RANBP2: variants seen among roughly 807,000 people sequenced by gnomAD.
RANBP2 encodes the protein E3 SUMO-protein ligase RanBP2.
A neutral mutation model predicts 303.6 loss-of-function variants in RANBP2; 57 were observed. That is an observed-to-expected ratio of 0.19 (90% CI 0.15 to 0.23). The LOEUF is 0.23. RANBP2 is among the 10% of genes least tolerant of loss of function. The probability of loss-of-function intolerance (pLI) is 1.00; values close to 1 mark genes in which losing one functional copy is unlikely to be tolerated. For synonymous variants in RANBP2, 1,167 were observed against 1,301.5 expected (o/e 0.90, Z 2.23); for missense variants, 3,138 against 3,780.8 (o/e 0.83, Z 4.46).
chr2:109,467,423 A>AC, the RANBP2 span, among the ~76,000 whole-genome samples: 2 of 152,204 alleles, frequency 1.3e-5, no homozygotes, highest in African/African-American at 4.8e-5. Context: ...ACTTTGGAAA[A>AC]TGCACACCCA....
At chr2:109,019,057 A>G in the RANBP2 span, among the ~76,000 whole-genome samples, 188 of 152,338 alleles carry the variant, frequency 1.2e-3, no homozygotes, top group African/African-American at 4.4e-3. Flanking sequence ...CAGATCAGTC[A>G]CTAGTTATGG....
chr2:109,437,190 G>A, the RANBP2 span: 5 of 1,561,682 alleles, frequency 3.2e-6, no homozygotes, highest in African/African-American at 1.4e-5. Context: ...CAACAAGGGG[G>A]CTTCCTGGGA....
At chr2:109,662,227 C>T in the RANBP2 span, among the ~76,000 whole-genome samples, 1 of 152,180 alleles carries the variant, frequency 6.6e-6, no homozygotes, top group Non-Finnish European at 1.5e-5. Flanking sequence ...TCACCAAGGT[C>T]AGACCTGCAT....
chr2:109,713,090 T>C, the RANBP2 span, among the ~76,000 whole-genome samples: 2 of 152,146 alleles, frequency 1.3e-5, no homozygotes, highest in Non-Finnish European at 1.5e-5. Flanking sequence ...TTCCTCCACC[T>C]GGGTCTCTTG....
chr2:108,770,039 G>A (rs533375501), intron 20 of RANBP2, among the ~76,000 whole-genome samples: 1 of 152,308 alleles, frequency 6.6e-6, no homozygotes, highest in East Asian at 1.9e-4. Flanking sequence ...TTTGAGAAAT[G>A]TGAAAAGTGT....
At chr2:108,935,913 G>A in the RANBP2 span, among the ~76,000 whole-genome samples, 1 of 152,144 alleles carries the variant, frequency 6.6e-6, no homozygotes, top group Non-Finnish European at 1.5e-5. Flanking sequence ...TGAGCTGCTC[G>A]CCTCTTGGAA....
At chr2:109,524,292 C>G in the RANBP2 span, among the ~76,000 whole-genome samples, 1 of 152,086 alleles carries the variant, frequency 6.6e-6, no homozygotes, top group Non-Finnish European at 1.5e-5. Context: ...AAGGACGGCT[C>G]AGTGGTCACA....
the RANBP2 span, among the ~76,000 whole-genome samples, chr2:109,714,912 G>C: frequency 1.6e-5 from 2 of 124,108 alleles, no homozygotes; most frequent in African/African-American, 6.2e-5. Context: ...GCCCGGGCTT[G>C]TGCTATTTTT....
chr2:109,563,948 C>A, the RANBP2 span, among the ~76,000 whole-genome samples: 2 of 152,282 alleles, frequency 1.3e-5, no homozygotes, highest in South Asian at 4.1e-4. Flanking sequence ...TAGTAAGACC[C>A]TGTCTCTACA....
At chr2:109,372,701 C>G in the RANBP2 span, among the ~76,000 whole-genome samples, 2 of 152,216 alleles carry the variant, frequency 1.3e-5, no homozygotes, top group Non-Finnish European at 2.9e-5. Flanking sequence ...GCCCTTCACT[C>G]TCCTGCTCTC....
the RANBP2 span, chr2:109,615,279 C>G: frequency 6.3e-7 from 1 of 1,586,938 alleles, no homozygotes; most frequent in Non-Finnish European, 8.6e-7. Context: ...CTCCGTGACG[C>G]TGGACCCCCT....
At chr2:109,197,614 A>G in the RANBP2 span, among the ~76,000 whole-genome samples, 1 of 152,186 alleles carries the variant, frequency 6.6e-6, no homozygotes, top group African/African-American at 2.4e-5. Flanking sequence ...AATGCTCTGC[A>G]GTTGCTGTTT....
chr2:109,414,541 G>A, the RANBP2 span, among the ~76,000 whole-genome samples: 1 of 152,150 alleles, frequency 6.6e-6, no homozygotes, highest in Non-Finnish European at 1.5e-5. Flanking sequence ...TCTTGGCTAC[G>A]GTCACAAACA....
At chr2:109,447,165 AAAAG>A in the RANBP2 span, among the ~76,000 whole-genome samples, 3 of 148,744 alleles carry the variant, frequency 2.0e-5, no homozygotes, top group South Asian at 4.2e-4. Flanking sequence ...AAAAAAAAAA[AAAAG>A]AAAAGAAAAA....
At chr2:109,730,586 C>A in the RANBP2 span, among the ~76,000 whole-genome samples, 3 of 152,128 alleles carry the variant, frequency 2.0e-5, no homozygotes, top group Non-Finnish European at 4.4e-5. Flanking sequence ...CCTGCTATAA[C>A]AAAGTACCAT....
the RANBP2 span, among the ~76,000 whole-genome samples, chr2:109,272,016 A>G: frequency 0.02 from 3,047 of 152,230 alleles, 90 homozygotes; most frequent in African/African-American, 0.07. Context: ...GGTGAACCAT[A>G]TCTTGACACT....
the RANBP2 span, among the ~76,000 whole-genome samples, chr2:109,441,152 G>C: frequency 8.2e-6 from 1 of 122,086 alleles, no homozygotes; most frequent in Non-Finnish European, 1.7e-5. Flanking sequence ...AAAAATTCCA[G>C]CTCTCAACAA....
At chr2:108,977,695 A>G in the RANBP2 span, among the ~76,000 whole-genome samples, 1 of 152,038 alleles carries the variant, frequency 6.6e-6, no homozygotes, top group African/African-American at 2.4e-5. Flanking sequence ...TGTTGTTTCA[A>G]ATGCTGACAA....
chr2:109,498,023 T>C, the RANBP2 span, among the ~76,000 whole-genome samples: 38,695 of 151,868 alleles, frequency 0.25, 5,240 homozygotes, highest in East Asian at 0.51. Flanking sequence ...AGTTTGTGTG[T>C]ATGCTGTCTG....
Sources: gnomAD v4.1 joint callset for allele counts (sites outside exome capture counted in the v4.1 genomes callset) on GRCh38, gnomAD v4.1.1 for gene constraint, MANE v1.5 for transcripts, NCBI Gene and HGNC (gene_info 2026-07-23, HGNC 2026-07-21) for gene names.